Variants in FUCA1 observed in about 807,000 individuals in gnomAD.
FUCA1 encodes alpha-L-fucosidase 1, also known as tissue alpha-L-fucosidase.
FUCA1 carries 52 observed loss-of-function variants against 56.8 expected under a neutral mutation model. That is an observed-to-expected ratio of 0.92 (90% CI 0.73 to 1.15). The LOEUF is 1.15. Ranked by LOEUF, FUCA1 falls within the 50% of genes most tolerant of loss-of-function variation. FUCA1 has a pLI of 0.00. For synonymous variants in FUCA1, 230 were observed against 226.6 expected, an observed-to-expected ratio of 1.02 and a Z score of -0.14; for missense variants, 568 against 592.6, an observed-to-expected ratio of 0.96 and a Z score of 0.43.
chr1:23,855,131 C>T (rs1375034096), intron 4 of FUCA1, among the ~76,000 whole-genome samples: 1 of 151,580 alleles, frequency 6.6e-6, no homozygotes, highest in South Asian at 2.1e-4. Context: ...ATAGCAAATT[C>T]TTTTTCTTAC....
chr1:23,861,890 T>C (rs983060877), intron 3 of FUCA1, among the ~76,000 whole-genome samples: 1 of 152,192 alleles, frequency 6.6e-6, no homozygotes, highest in African/African-American at 2.4e-5. Context: ...ATATAACAGA[T>C]GGTCTGTGAT....
intron 1 of FUCA1, among the ~76,000 whole-genome samples, chr1:23,866,532 T>A (rs1023568483): frequency 3.9e-5 from 6 of 152,152 alleles, no homozygotes; most frequent in Non-Finnish European, 7.4e-5. Flanking sequence ...TTGGCCAGAG[T>A]AGGGAACTCC....
At position 23,867,722 on chromosome 1, in the gene FUCA1, A is replaced by ACCT. The variant is rs762867939; in HGVS notation, c.389+173_389+175dup. ...CATTTATCAGTCCCCAGTCAAACGC[A>ACCT]CCTCCTCCTCCTCATCAGGTGTGCC... is the stretch of plus-strand genomic sequence containing the variant. On this transcript the variant is annotated intron_variant, in intron 1 of 7. Coordinates refer to ENST00000374479, the MANE Select transcript of FUCA1 (RefSeq NM_000147.5). The surrounding 1 kb of genome is among the most constrained non-coding windows in gnomAD (Gnocchi z 4.9). 2.0e-6 allele frequency: 2 copies of ACCT among 984,020 alleles called. No homozygotes were observed. The highest frequency in any genetic ancestry group is 2.4e-6 in the Non-Finnish European group (2 of 829,548). The allele number at this position is 984,020 out of a possible 1,614,324, so 61.0% of individuals were successfully genotyped here.
rs550936524 is a variant in FUCA1, at chr1:23,865,543, C to T, written c.472G>A (p.Val158Met). ...CCAACCAAATCCCGATGAGGCCCCA[C>T]GTCTTTGGAGTTCCAGTTCCAAGAC... ...PVSWNWNSKD[V>M]GPHRDLVGEL... The change falls in exon 2 of 8, where the codon GTG (valine) becomes ATG (methionine). Residue 158 changes from valine (V) to methionine (M), a missense_variant. Physicochemically the swap from Val to Met is conservative, Grantham distance 21. Transcript: ENST00000374479. 16 of 1,614,196 alleles carry T rather than the reference C, an allele frequency of 9.9e-6. No homozygotes were observed. Among genetic ancestry groups the T allele is most frequent in the East Asian group, 6.7e-5 (3 of 44,882 alleles).
chr1:23,863,830 C>T (rs761967719), intron 2 of FUCA1, among the ~76,000 whole-genome samples: 3 of 151,890 alleles, frequency 2.0e-5, no homozygotes, highest in East Asian at 1.9e-4. Context: ...CTAGCAAAGG[C>T]GACAGAGTGA....
chr1:23,855,653 A>G (rs958520497), intron 4 of FUCA1, among the ~76,000 whole-genome samples: 10 of 152,372 alleles, frequency 6.6e-5, no homozygotes, highest in African/African-American at 2.4e-4. Flanking sequence ...AGTGCCAAAG[A>G]GAAATAGAAG....
At chr1:23,847,342 CTTT>C (rs71026630) in intron 6 of FUCA1, among the ~76,000 whole-genome samples, 1 of 146,294 alleles carries the variant, frequency 6.8e-6, no homozygotes, top group African/African-American at 2.5e-5. Context: ...TCAGAGATTT[CTTT>C]TTTTTTTTTT....
In FUCA1 at chr1:23,867,903, G is replaced by A. The variant is rs1187805990; in HGVS notation, c.384C>T (p.Gly128=). ...CTCCCCGGGACCACACTCACTTGGC[G>A]CCCGCGGCCTGGAAGAGGTCGGCCC... The part of the protein sequence containing the change: ...EEWADLFQAA[G]AKYVVLTTKH... The change falls in exon 1 of 8, where the codon GGC becomes GGT. Residue 128 remains glycine (G), a synonymous_variant. Transcript: ENST00000374479. The surrounding 1 kb of genome is among the most constrained non-coding windows in gnomAD (Gnocchi z 4.9). 3.9e-6 allele frequency: 6 copies of A among 1,547,816 alleles called. No homozygotes were observed. Among genetic ancestry groups the A allele is most frequent in the Non-Finnish European group, 5.2e-6 (6 of 1,146,296 alleles).
chr1:23,864,567 AG>A (rs1234909753), intron 2 of FUCA1, among the ~76,000 whole-genome samples: 1 of 152,222 alleles, frequency 6.6e-6, no homozygotes, highest in Non-Finnish European at 1.5e-5. Context: ...GACTAAATAA[AG>A]ATGGTAAAAA....
rs1291502354 is a variant in FUCA1, at chr1:23,845,809, G to A, written c.1307C>T (p.Pro436Leu). The A allele has an allele frequency of 1.9e-6, 3 of 1,613,710 alleles. No homozygotes were observed. Among genetic ancestry groups the A allele is most frequent in the East Asian group, 4.5e-5 (2 of 44,880 alleles). ...IQGDLKWSTD[P>L]DKGLFISLPQ... is the part of the protein sequence containing the mutation. Reference sequence around the variant, plus strand: ...TAGAGAGATGAAGAGACCTTTATCTGGATCTGTGGACCACTTCAGATCTCC... The same window carrying A: ...TAGAGAGATGAAGAGACCTTTATCTAGATCTGTGGACCACTTCAGATCTCC... Residue 436 changes from proline (P) to leucine (L), a missense_variant, in exon 8 of 8, where the codon CCA becomes CTA. By Grantham distance (98) the Pro-to-Leu change is moderately conservative (BLOSUM62 -3). Transcript: ENST00000374479.
Position 23,845,445 on chromosome 1 carries a change from A to G in FUCA1, c.*270T>C, listed in dbSNP as rs143441916. The G allele has an allele frequency of 7.7e-4, 385 of 496,942 alleles. 2 individuals are homozygous for G. The highest frequency in any genetic ancestry group is 4.1e-3 in the South Asian group (198 of 48,074). The allele number at this position is 496,942 out of a possible 1,614,324, so 30.8% of individuals were successfully genotyped here. The stretch of plus-strand genomic sequence containing the variant: ...CAGAGGGAAGATTCCATTGTAGATA[A>G]TTTCCAAATATTACAATTGATGAAC... On this transcript the variant is annotated 3_prime_UTR_variant, in exon 8 of 8. Coordinates refer to ENST00000374479, the MANE Select transcript of FUCA1 (RefSeq NM_000147.5).
intron 5 of FUCA1, among the ~76,000 whole-genome samples, chr1:23,853,317 C>T (rs1048228460): frequency 6.6e-5 from 10 of 151,946 alleles, no homozygotes; most frequent in African/African-American, 1.9e-4. Flanking sequence ...CGTCTCTGCC[C>T]GGCAGCCACC....
intron 4 of FUCA1, among the ~76,000 whole-genome samples, chr1:23,856,100 C>A (rs1414041850): frequency 6.6e-6 from 1 of 152,152 alleles, no homozygotes; most frequent in Non-Finnish European, 1.5e-5. Context: ...AGGCAGGTAA[C>A]TTTACCTTTT....
In FUCA1 at chr1:23,846,167, G is replaced by A; in HGVS notation, c.1167C>T (p.Thr389=). ...WEKNTTSVWY[T]SKGSAVYAIF... ...TGGCATAAACAGCCGATCCCTTTGA[G>A]GTATACCTGGGAAAACAGAAACAAC... The change falls in exon 7 of 8, where the codon ACC becomes ACT. Residue 389 remains threonine, a synonymous_variant. Transcript: ENST00000374479. The A allele has an allele frequency of 6.2e-7, 1 of 1,611,532 alleles. No homozygotes were observed. Among genetic ancestry groups the A allele is most frequent in the Non-Finnish European group, 8.5e-7 (1 of 1,177,806 alleles).
At chr1:23,855,293 A>G (rs1385518067) in intron 4 of FUCA1, among the ~76,000 whole-genome samples, 3 of 152,172 alleles carry the variant, frequency 2.0e-5, no homozygotes, top group Non-Finnish European at 4.4e-5. Context: ...GTCAGGAGAT[A>G]GAGACCAACC....
intron 5 of FUCA1, among the ~76,000 whole-genome samples, chr1:23,849,484 G>A (rs886516177): frequency 5.3e-5 from 8 of 151,882 alleles, no homozygotes; most frequent in Non-Finnish European, 1.5e-5. Flanking sequence ...TGTGGGCAGG[G>A]AAGCTGAGAA....
At chr1:23,850,758 T>C (rs1301703919) in intron 5 of FUCA1, among the ~76,000 whole-genome samples, 1 of 152,148 alleles carries the variant, frequency 6.6e-6, no homozygotes, top group African/African-American at 2.4e-5. Context: ...AGTGCTGGGA[T>C]TACAGGTGTC....
chr1:23,845,681 T>C lies in FUCA1; in HGVS notation c.*34A>G, dbSNP rs1324305945. Reference sequence around the variant, plus strand: ...GAGAAAAACTGAAGCAGGAAAACAGTGAGCAGCGCCTCTTTCTTCTTGCAC... The same window carrying C: ...GAGAAAAACTGAAGCAGGAAAACAGCGAGCAGCGCCTCTTTCTTCTTGCAC... On this transcript the variant is annotated 3_prime_UTR_variant, in exon 8 of 8. Coordinates refer to ENST00000374479, the MANE Select transcript of FUCA1 (RefSeq NM_000147.5). The C allele has an allele frequency of 6.2e-7, 1 of 1,613,848 alleles. No homozygotes were observed. The highest frequency in any genetic ancestry group is 1.7e-5 in the Admixed American group (1 of 60,012).
chr1:23,851,704 G>T (rs1009071771), intron 5 of FUCA1, among the ~76,000 whole-genome samples: 10 of 152,106 alleles, frequency 6.6e-5, no homozygotes, highest in Non-Finnish European at 1.3e-4. Flanking sequence ...CATGTCCTTT[G>T]CAGGGACATG....
Sources: allele counts gnomAD v4.1 joint callset (sites outside exome capture counted in the v4.1 genomes callset), GRCh38; gene constraint gnomAD v4.1.1; non-coding constraint Gnocchi (gnomAD v3.1); transcripts MANE v1.5; gene names NCBI Gene and HGNC (gene_info 2026-07-23, HGNC 2026-07-21).